Variants in HS3ST2 observed in about 807,000 individuals in gnomAD.
HS3ST2 encodes the protein heparan sulfate-glucosamine 3-sulfotransferase 2.
A neutral mutation model predicts 26.3 loss-of-function variants in HS3ST2; 17 were observed. The observed-to-expected ratio is 0.65, with a 90% confidence interval of 0.44 to 0.97. The LOEUF is 0.97. Among genes scored for constraint, HS3ST2 ranks in the 50% least tolerant of loss-of-function variants. HS3ST2 has a pLI of 0.00. For missense variants in HS3ST2, 402 were observed against 501.2 expected (o/e 0.80, Z 1.89); for synonymous variants, 237 against 219.2 (o/e 1.08, Z -0.72).
intron 1 of HS3ST2, among the ~76,000 whole-genome samples, chr16:22,865,512 C>T (rs904078806): frequency 5.3e-5 from 8 of 150,068 alleles, no homozygotes; most frequent in African/African-American, 1.7e-4. Flanking sequence ...GCCGAGATCT[C>T]ACCACTGCAC....
At chr16:22,857,005 C>G (rs191296964) in intron 1 of HS3ST2, among the ~76,000 whole-genome samples, 1 of 152,072 alleles carries the variant, frequency 6.6e-6, no homozygotes, top group South Asian at 2.1e-4. Context: ...ATAATATATT[C>G]GAGGCACTAT....
intron 1 of HS3ST2, among the ~76,000 whole-genome samples, chr16:22,900,059 A>G (rs568237453): frequency 6.6e-6 from 1 of 152,350 alleles, no homozygotes; most frequent in Non-Finnish European, 1.5e-5. Flanking sequence ...GTGTTGCCTC[A>G]GGAAGCTTCT....
chr16:22,914,586 T>A (rs771755953), intron 1 of HS3ST2, among the ~76,000 whole-genome samples: 9 of 148,900 alleles, frequency 6.0e-5, no homozygotes, highest in Middle Eastern at 3.4e-3. Context: ...ACACCTGTAG[T>A]CCCAGCTACT....
rs1901808261 is a variant in HS3ST2, at chr16:22,869,838, A to G, written c.486-45106A>G. Among the ~76,000 whole-genome samples the G allele has an allele frequency of 2.0e-5, 3 of 152,242 alleles. No individual in the cohort carries two copies. The South Asian group carries it at 6.2e-4, about 32-fold the overall frequency. ...CTTCCACCTCCTGTTAATGTAGATC[A>G]GGGAAGCAAAAGGAGCCCTCTTTCA... On this transcript the variant is annotated intron_variant, in intron 1 of 1. Transcript: ENST00000261374.
chr16:22,875,162 A>T (rs1033958605), intron 1 of HS3ST2, among the ~76,000 whole-genome samples: 3 of 152,166 alleles, frequency 2.0e-5, no homozygotes, highest in Non-Finnish European at 2.9e-5. Context: ...AGTAAAAAAT[A>T]AAATTAAAAA....
chr16:22,844,331 CA>C (rs1213241273), intron 1 of HS3ST2, among the ~76,000 whole-genome samples: 1 of 152,128 alleles, frequency 6.6e-6, no homozygotes, highest in African/African-American at 2.4e-5. Flanking sequence ...ATTTTCCTTC[CA>C]GAGCCCTGAA....
intron 1 of HS3ST2, among the ~76,000 whole-genome samples, chr16:22,828,559 T>C (rs1901123539): frequency 6.6e-6 from 1 of 152,260 alleles, no homozygotes; most frequent in African/African-American, 2.4e-5. Context: ...GGCAGCCTCT[T>C]TGCAGTGTGT....
Position 22,818,716 on chromosome 16 carries a change from CTTCCT to C in HS3ST2, c.485+3623_485+3627del, listed in dbSNP as rs1387214976. ...CCTGCCTTCCTTCCTTCCCTCCTTCCTTCCTTCCCTCCCTCCCTCCTTCCCTTCCT... is the reference window on the plus strand; with the variant it reads ...CCTGCCTTCCTTCCTTCCCTCCTTCCTCCCTCCCTCCCTCCTTCCCTTCCT... On this transcript the variant is annotated intron_variant, in intron 1 of 1. Coordinates refer to ENST00000261374, the MANE Select transcript of HS3ST2 (RefSeq NM_006043.2). Among the ~76,000 whole-genome samples, 81 of 77,568 alleles carry C rather than the reference CTTCCT, an allele frequency of 1.0e-3. 2 individuals carry two copies. The highest frequency in any genetic ancestry group is 3.9e-3 in the African/African-American group (54 of 13,786). 50.9% of individuals were successfully genotyped at this position (77,568 alleles called of 152,430 possible).
At chr16:22,908,734 A>C (rs1029949245) in intron 1 of HS3ST2, among the ~76,000 whole-genome samples, 1 of 152,202 alleles carries the variant, frequency 6.6e-6, no homozygotes, top group Non-Finnish European at 1.5e-5. Flanking sequence ...TGAATAGATG[A>C]ATCCATTCAT....
At chr16:22,850,646 G>T (rs1901505362) in intron 1 of HS3ST2, among the ~76,000 whole-genome samples, 1 of 152,266 alleles carries the variant, frequency 6.6e-6, no homozygotes, top group African/African-American at 2.4e-5. Flanking sequence ...AATTAGCGAG[G>T]TGTGGTGGAG....
intron 1 of HS3ST2, among the ~76,000 whole-genome samples, chr16:22,880,811 G>A (rs567814831): frequency 6.6e-6 from 1 of 152,272 alleles, no homozygotes; most frequent in South Asian, 2.1e-4. Flanking sequence ...TTTTCCTCTG[G>A]GATCAAGCTG....
intron 1 of HS3ST2, among the ~76,000 whole-genome samples, chr16:22,874,176 T>C (rs949521110): frequency 4.6e-5 from 7 of 152,134 alleles, no homozygotes; most frequent in African/African-American, 1.4e-4. Context: ...TTCAGGACCA[T>C]AAGCCAAGCT....
chr16:22,856,766 T>A (rs905678118), intron 1 of HS3ST2, among the ~76,000 whole-genome samples: 1 of 152,118 alleles, frequency 6.6e-6, no homozygotes, highest in Non-Finnish European at 1.5e-5. Flanking sequence ...TACTTTGCAA[T>A]CAGGAGTCCA....
At chr16:22,887,204 C>T (rs1902072554) in intron 1 of HS3ST2, among the ~76,000 whole-genome samples, 1 of 152,230 alleles carries the variant, frequency 6.6e-6, no homozygotes, top group African/African-American at 2.4e-5. Flanking sequence ...TGCTCTTCAG[C>T]ACATGACCTT....
intron 1 of HS3ST2, among the ~76,000 whole-genome samples, chr16:22,889,799 C>T (rs181544548): frequency 8.1e-4 from 124 of 152,250 alleles, no homozygotes; most frequent in Middle Eastern, 3.4e-3. Flanking sequence ...GGGGACTACC[C>T]TTTACACATT....
At chr16:22,896,001 A>AG (rs1293066598) in intron 1 of HS3ST2, among the ~76,000 whole-genome samples, 1 of 151,604 alleles carries the variant, frequency 6.6e-6, no homozygotes, top group Non-Finnish European at 1.5e-5. Flanking sequence ...TAAGAGAGAA[A>AG]GGGTCTTACT....
chr16:22,879,159 TATGTCGTCA>T (rs1901955982), intron 1 of HS3ST2, among the ~76,000 whole-genome samples: 1 of 152,222 alleles, frequency 6.6e-6, no homozygotes, highest in African/African-American at 2.4e-5. Context: ...GCAACAGTGC[TATGTCGTCA>T]ATGTCGTCAC....
intron 1 of HS3ST2, among the ~76,000 whole-genome samples, chr16:22,836,847 G>A (rs963641821): frequency 6.6e-5 from 10 of 151,884 alleles, no homozygotes; most frequent in East Asian, 3.9e-4. Context: ...TAGTAGAGAC[G>A]GGGTTTCACC....
chr16:22,815,947 C>T (rs929428442), intron 1 of HS3ST2, among the ~76,000 whole-genome samples: 2 of 152,196 alleles, frequency 1.3e-5, no homozygotes, highest in Non-Finnish European at 2.9e-5. Context: ...CGGGTGAAGG[C>T]TAGCAAGGGT....
Sources: allele counts gnomAD v4.1 joint callset (sites outside exome capture counted in the v4.1 genomes callset), GRCh38; gene constraint gnomAD v4.1.1; transcripts MANE v1.5; gene names NCBI Gene and HGNC (gene_info 2026-07-23, HGNC 2026-07-21).